The following PHACTR1 variants were observed in gnomAD, a reference collection of about 807,000 sequenced individuals.
The protein encoded by PHACTR1 is phosphatase and actin regulator 1, also known as RPEL repeat containing 1.
A neutral mutation model predicts 69.2 loss-of-function variants in PHACTR1; 16 were observed. That is an observed-to-expected ratio of 0.23 (90% CI 0.16 to 0.35). PHACTR1 has a LOEUF of 0.35. PHACTR1 is among the 10% of genes least tolerant of loss of function. The pLI, the probability that PHACTR1 is intolerant of heterozygous loss-of-function variation, is 1.00. For missense variants in PHACTR1, 510 were observed against 734.7 expected (o/e 0.69, Z 3.54); for synonymous variants, 312 against 284.5 (o/e 1.10, Z -0.97).
chr6:13,104,148 T>A (rs773621620), intron 5 of PHACTR1, among the ~76,000 whole-genome samples: 1 of 152,160 alleles, frequency 6.6e-6, no homozygotes, highest in Non-Finnish European at 1.5e-5. Flanking sequence ...TCCATGAAAG[T>A]TTATTTTCTT....
intron 5 of PHACTR1, among the ~76,000 whole-genome samples, chr6:13,112,187 G>T (rs1050743357): frequency 6.6e-6 from 1 of 152,144 alleles, no homozygotes; most frequent in Non-Finnish European, 1.5e-5. Context: ...TTTCATCCAT[G>T]TTCCTGCAAA....
At chr6:13,206,726 T>C (rs562439233) in intron 8 of PHACTR1, among the ~76,000 whole-genome samples, 1 of 152,208 alleles carries the variant, frequency 6.6e-6, no homozygotes, top group African/African-American at 2.4e-5. Context: ...CTGGCCCTGG[T>C]CAGACATCAT....
chr6:13,158,185 T>C (rs896298604), intron 5 of PHACTR1, among the ~76,000 whole-genome samples: 1 of 148,454 alleles, frequency 6.7e-6, no homozygotes, highest in Admixed American at 6.6e-5. Context: ...CCCGGCTGCT[T>C]AGCAGATCTT....
At chr6:12,777,663 GCT>G (rs1770260622) in intron 4 of PHACTR1, among the ~76,000 whole-genome samples, 1 of 106,108 alleles carries the variant, frequency 9.4e-6, no homozygotes, top group Non-Finnish European at 1.8e-5. Context: ...ACAGAGTCTT[GCT>G]CTGTCACCCA....
chr6:12,733,155 C>A (rs774553616), intron 3 of PHACTR1, among the ~76,000 whole-genome samples: 6 of 150,696 alleles, frequency 4.0e-5, no homozygotes, highest in South Asian at 2.1e-4. Context: ...CCAGCAAATG[C>A]CCCAATGTTT....
At chr6:12,962,930 T>C (rs1792935293) in intron 4 of PHACTR1, among the ~76,000 whole-genome samples, 1 of 152,194 alleles carries the variant, frequency 6.6e-6, no homozygotes, top group Non-Finnish European at 1.5e-5. Context: ...CCATTCAGCA[T>C]GAACAGTGAT....
intron 4 of PHACTR1, among the ~76,000 whole-genome samples, chr6:12,921,511 G>T (rs1582493776): frequency 7.2e-6 from 1 of 138,238 alleles, no homozygotes; most frequent in Admixed American, 7.3e-5. Context: ...AAAGAAGGAA[G>T]GAAGGAAGGG....
chr6:13,066,174 A>G (rs1583206437), intron 5 of PHACTR1, among the ~76,000 whole-genome samples: 1 of 152,248 alleles, frequency 6.6e-6, no homozygotes, highest in Non-Finnish European at 1.5e-5. Context: ...CTCAAAGTGA[A>G]CTTTATCCAG....
intron 7 of PHACTR1, among the ~76,000 whole-genome samples, chr6:13,189,391 AC>A (rs568937618): frequency 7.5e-4 from 108 of 144,566 alleles, no homozygotes; most frequent in African/African-American, 2.6e-3. Flanking sequence ...CAAAATTCCC[AC>A]CCCCCCTTTT....
chr6:13,073,868 C>T (rs1257547728), intron 5 of PHACTR1, among the ~76,000 whole-genome samples: 1 of 150,172 alleles, frequency 6.7e-6, no homozygotes, highest in African/African-American at 2.4e-5. Flanking sequence ...TTCATATTTT[C>T]TTTTTCTTTT....
At chr6:12,945,493 A>G (rs1226503356) in intron 4 of PHACTR1, among the ~76,000 whole-genome samples, 1 of 152,262 alleles carries the variant, frequency 6.6e-6, no homozygotes, top group Non-Finnish European at 1.5e-5. Context: ...ATAAGGACAG[A>G]TGAAATAAAA....
intron 4 of PHACTR1, among the ~76,000 whole-genome samples, chr6:12,894,338 C>T (rs890375829): frequency 6.6e-6 from 1 of 152,222 alleles, no homozygotes; most frequent in South Asian, 2.1e-4. Flanking sequence ...GGCACAGTGG[C>T]TGACGCCTAT....
intron 5 of PHACTR1, among the ~76,000 whole-genome samples, chr6:13,132,377 C>G (rs1451538902): frequency 6.6e-6 from 1 of 152,180 alleles, no homozygotes; most frequent in Non-Finnish European, 1.5e-5. Context: ...TGGCCCTCAG[C>G]TTATCAGCTT....
In PHACTR1 at chr6:12,865,457, G is replaced by GGT. The variant is rs34729979; in HGVS notation, c.250+115689_250+115690dup. On this transcript the variant is annotated intron_variant, in intron 4 of 14. Coordinates refer to ENST00000332995, the MANE Select transcript of PHACTR1 (RefSeq NM_030948.6). ...TGAGATACCATGTAATTGTTTAATG[G>GGT]GTGTGTGTGTGTGTGTGTGTGTGCC... 6.3e-3 allele frequency among the ~76,000 whole-genome samples: 951 copies of GGT among 150,016 alleles called. 8 individuals carry two copies. The highest frequency in any genetic ancestry group is 0.019 in the African/African-American group (771 of 40,722).
chr6:12,980,552 G>C (rs1795393611), intron 4 of PHACTR1, among the ~76,000 whole-genome samples: 3 of 152,024 alleles, frequency 2.0e-5, no homozygotes, highest in African/African-American at 7.2e-5. Context: ...CCATAGGAGA[G>C]TTAGGGGTTA....
intron 6 of PHACTR1, among the ~76,000 whole-genome samples, chr6:13,163,795 A>G (rs1759391109): frequency 1.3e-5 from 2 of 152,204 alleles, no homozygotes; most frequent in Non-Finnish European, 2.9e-5. Context: ...ATCTGAAAGT[A>G]TGGGTGATGT....
chr6:12,942,822 C>T (rs1271916121), intron 4 of PHACTR1, among the ~76,000 whole-genome samples: 2 of 152,100 alleles, frequency 1.3e-5, no homozygotes, highest in African/African-American at 4.8e-5. Flanking sequence ...TCTTCCTGAC[C>T]GATGCTGATA....
intron 10 of PHACTR1, among the ~76,000 whole-genome samples, chr6:13,237,378 A>T (rs1562047859): frequency 6.7e-6 from 1 of 150,184 alleles, no homozygotes; most frequent in African/African-American, 2.4e-5. Flanking sequence ...CCCCTCTTTT[A>T]AAAAAAAAAT....
intron 4 of PHACTR1, among the ~76,000 whole-genome samples, chr6:13,048,554 G>GTGTGTGTGTGTGTGT (rs1561749368): frequency 1.3e-5 from 2 of 151,140 alleles, no homozygotes; most frequent in South Asian, 2.1e-4. Flanking sequence ...GTGTGTGTGT[G>GTGTGTGTGTGTGTGT]ATGGAGTTTC....
Sources: allele counts gnomAD v4.1 joint callset (sites outside exome capture counted in the v4.1 genomes callset), GRCh38; gene constraint gnomAD v4.1.1; transcripts MANE v1.5; gene names NCBI Gene and HGNC (gene_info 2026-07-23, HGNC 2026-07-21).